KCNH1: variants seen among roughly 807,000 people sequenced by gnomAD.
KCNH1 encodes potassium voltage-gated channel subfamily H member 1.
A neutral mutation model predicts 69.2 loss-of-function variants in KCNH1; 27 were observed. The observed-to-expected ratio is 0.39, with a 90% CI of 0.29 to 0.54. The LOEUF (loss-of-function observed/expected upper bound fraction) is 0.54. Ranked by LOEUF, KCNH1 falls within the 20% of genes least tolerant of loss-of-function variation. The pLI, the probability that KCNH1 is intolerant of heterozygous loss-of-function variation, is 0.68. For synonymous variants in KCNH1, 456 were observed against 487.7 expected (o/e 0.93, Z 0.86); for missense variants, 798 against 1,261.6 (o/e 0.63, Z 5.57).
At chr1:211,049,942 C>T (rs1490821008) in intron 5 of KCNH1, among the ~76,000 whole-genome samples, 1 of 152,114 alleles carries the variant, frequency 6.6e-6, no homozygotes, top group African/African-American at 2.4e-5. Context: ...CAGAGTCAAA[C>T]ACAGAGAACT....
chr1:210,842,075 C>G (rs1485202641), intron 7 of KCNH1, among the ~76,000 whole-genome samples: 1 of 152,152 alleles, frequency 6.6e-6, no homozygotes, highest in Non-Finnish European at 1.5e-5. Context: ...CCAACACACA[C>G]CTACTCAGTG....
At chr1:210,779,834 T>C (rs1683941460) in intron 9 of KCNH1, among the ~76,000 whole-genome samples, 1 of 152,222 alleles carries the variant, frequency 6.6e-6, no homozygotes, top group Admixed American at 6.5e-5. Flanking sequence ...TATGGAGCTG[T>C]CTTTACTGAA....
intron 10 of KCNH1, among the ~76,000 whole-genome samples, chr1:210,758,863 T>C (rs1574238256): frequency 6.6e-6 from 1 of 152,110 alleles, no homozygotes; most frequent in African/African-American, 2.4e-5. Flanking sequence ...TTTTCATGCT[T>C]CTCCCTTGCC....
At chr1:211,026,837 G>A (rs1054889512) in intron 5 of KCNH1, among the ~76,000 whole-genome samples, 2 of 152,136 alleles carry the variant, frequency 1.3e-5, no homozygotes, top group African/African-American at 2.4e-5. Flanking sequence ...GCTTAGCGAG[G>A]AGCTGGAATT....
intron 3 of KCNH1, among the ~76,000 whole-genome samples, chr1:211,099,605 C>T (rs896356987): frequency 6.6e-6 from 1 of 151,970 alleles, no homozygotes; most frequent in Non-Finnish European, 1.5e-5. Flanking sequence ...CTGCTCACTC[C>T]CTGGCTCTGA....
intron 7 of KCNH1, among the ~76,000 whole-genome samples, chr1:210,836,375 T>C (rs933562985): frequency 6.6e-6 from 1 of 152,184 alleles, no homozygotes; most frequent in Non-Finnish European, 1.5e-5. Flanking sequence ...TATAACATTA[T>C]TGAAAGTAAT....
At chr1:211,024,137 A>G (rs1299928885) in intron 5 of KCNH1, among the ~76,000 whole-genome samples, 2 of 152,230 alleles carry the variant, frequency 1.3e-5, no homozygotes, top group African/African-American at 4.8e-5. Flanking sequence ...GGCACTGGAC[A>G]TGCAGCATTG....
chr1:210,877,770 A>G (rs1410335890), intron 7 of KCNH1, among the ~76,000 whole-genome samples: 1 of 152,148 alleles, frequency 6.6e-6, no homozygotes, highest in Non-Finnish European at 1.5e-5. Context: ...TTTCTACACT[A>G]GGTCATTAGC....
chr1:210,855,444 G>A (rs1322618129), intron 7 of KCNH1, among the ~76,000 whole-genome samples: 2 of 152,208 alleles, frequency 1.3e-5, no homozygotes, highest in African/African-American at 4.8e-5. Context: ...AGGCATTGTG[G>A]CCATGGCTAC....
chr1:211,022,322 A>G (rs1165886163), intron 5 of KCNH1, among the ~76,000 whole-genome samples: 1 of 152,226 alleles, frequency 6.6e-6, no homozygotes, highest in East Asian at 1.9e-4. Context: ...TTCAAAAATC[A>G]AATCAAATGG....
At chr1:210,969,029 C>T (rs372993355) in intron 6 of KCNH1, among the ~76,000 whole-genome samples, 16 of 152,046 alleles carry the variant, frequency 1.1e-4, no homozygotes, top group East Asian at 3.9e-4. Context: ...TTTAATTATA[C>T]GGATTATTTC....
chr1:210,840,568 T>C (rs920238946), intron 7 of KCNH1, among the ~76,000 whole-genome samples: 4 of 152,070 alleles, frequency 2.6e-5, no homozygotes, highest in Admixed American at 2.0e-4. Flanking sequence ...GAGGGCAAAA[T>C]GGAAATAATA....
At chr1:210,806,228 T>C (rs1274006933) in intron 7 of KCNH1, among the ~76,000 whole-genome samples, 2 of 152,054 alleles carry the variant, frequency 1.3e-5, no homozygotes, top group Non-Finnish European at 2.9e-5. Context: ...TTAACAATTG[T>C]TATTGTGTCT....
At chr1:210,707,847 C>T (rs892494895) in intron 10 of KCNH1, among the ~76,000 whole-genome samples, 3 of 152,196 alleles carry the variant, frequency 2.0e-5, no homozygotes, top group Non-Finnish European at 2.9e-5. Flanking sequence ...CCCTGCCCTT[C>T]CTCCCTCCCA....
Position 210,806,806 on chromosome 1 carries a change from C to CTAAAAAA in KCNH1, c.1463-2641_1463-2640insTTTTTTA, listed in dbSNP as rs1558477653. ...CCAATATGGTGAAACCCCATCTCTA[C>CTAAAAAA]CAAAAAAAAAAAAAAAAAAAAAAAA... On this transcript the variant is annotated intron_variant, in intron 7 of 10. Transcript: ENST00000271751. 4.6e-5 allele frequency among the ~76,000 whole-genome samples: 4 copies of CTAAAAAA among 86,268 alleles called. 1 individual carries two copies. The highest frequency in any genetic ancestry group is 5.1e-5 in the African/African-American group (1 of 19,748). 56.6% of individuals were successfully genotyped at this position (86,268 alleles called of 152,430 possible).
chr1:210,807,134 A>T (rs1369927685), intron 7 of KCNH1, among the ~76,000 whole-genome samples: 1 of 151,928 alleles, frequency 6.6e-6, no homozygotes, highest in Non-Finnish European at 1.5e-5. Context: ...TATTGCTATA[A>T]AGTATATGTA....
At chr1:210,963,993 G>C (rs1248420112) in intron 6 of KCNH1, among the ~76,000 whole-genome samples, 2 of 152,150 alleles carry the variant, frequency 1.3e-5, no homozygotes, top group East Asian at 3.8e-4. Context: ...ATAATTGTCA[G>C]ATTCACCAAC....
intron 7 of KCNH1, among the ~76,000 whole-genome samples, chr1:210,819,096 C>A (rs1280879331): frequency 6.6e-6 from 1 of 151,842 alleles, no homozygotes; most frequent in Non-Finnish European, 1.5e-5. Context: ...GATTATAAAA[C>A]AATAGGCTTA....
chr1:211,042,875 C>T (rs534196492), intron 5 of KCNH1, among the ~76,000 whole-genome samples: 15 of 152,142 alleles, frequency 9.9e-5, no homozygotes, highest in African/African-American at 2.6e-4. Context: ...ATAATCATTG[C>T]GTCAAAAATT....
Sources: allele counts gnomAD v4.1 joint callset (sites outside exome capture counted in the v4.1 genomes callset), GRCh38; gene constraint gnomAD v4.1.1; transcripts MANE v1.5; gene names NCBI Gene and HGNC (gene_info 2026-07-23, HGNC 2026-07-21).